The following RNF24 variants were observed in gnomAD, a reference collection of about 807,000 sequenced individuals.
The protein encoded by RNF24 is ring finger protein 24.
A neutral mutation model predicts 20.0 loss-of-function variants in RNF24; 14 were observed. That is an observed-to-expected ratio of 0.70 (90% CI 0.46 to 1.10). The LOEUF is 1.10. Ranked by LOEUF, RNF24 falls within the 50% of genes least tolerant of loss-of-function variation. RNF24 has a pLI of 0.00. For synonymous variants in RNF24, 45 were observed against 61.1 expected (o/e 0.74, Z 1.23); for missense variants, 124 against 177.6 (o/e 0.70, Z 1.71).
intron 4 of RNF24, among the ~76,000 whole-genome samples, chr20:3,938,632 G>A (rs1205321652): frequency 6.6e-6 from 1 of 152,168 alleles, no homozygotes; most frequent in Non-Finnish European, 1.5e-5. Flanking sequence ...AGTTCTAAGA[G>A]TTCTTTATAC....
intron 4 of RNF24, among the ~76,000 whole-genome samples, chr20:3,940,361 C>T (rs1046346760): frequency 2.0e-5 from 3 of 149,118 alleles, no homozygotes; most frequent in African/African-American, 7.5e-5. Context: ...AATCAGTGAA[C>T]TAGAAGACAG....
At chr20:3,976,579 T>C (rs190275865) in intron 1 of RNF24, among the ~76,000 whole-genome samples, 1 of 152,312 alleles carries the variant, frequency 6.6e-6, no homozygotes, top group African/African-American at 2.4e-5. Flanking sequence ...TCAACACAAA[T>C]GTTCATAGCA....
In RNF24 at chr20:3,934,867, A is replaced by G; in HGVS notation, c.308+127T>C. 1 of 703,980 alleles carries G rather than the reference A, an allele frequency of 1.4e-6. No individual in the cohort carries two copies. The highest frequency in any genetic ancestry group is 2.5e-6 in the Non-Finnish European group (1 of 394,300). The allele number at this position is 703,980 out of a possible 1,614,324, so 43.6% of individuals were successfully genotyped here. A position where few individuals can be genotyped will look rare whatever the true frequency, so the allele number is the denominator to read the frequency against. On this transcript the variant is annotated intron_variant, in intron 5 of 5. Coordinates refer to ENST00000358395, the MANE Select transcript of RNF24 (RefSeq NM_001134337.3). This position sits in a 1 kb window ranked among gnomAD's most constrained non-coding sequence, Gnocchi z 4.0. ...CACATCCCACCTGTAGGGTGCTGTC[A>G]GCTTTCTGCATTACAGACCAATCAT... is the stretch of plus-strand genomic sequence containing the variant.
chr20:3,978,416 AAC>A (rs775873846), intron 1 of RNF24, among the ~76,000 whole-genome samples: 4 of 152,214 alleles, frequency 2.6e-5, no homozygotes, highest in Admixed American at 6.5e-5. Context: ...CAATATTCCC[AAC>A]AGAGAAAAAT....
chr20:3,943,300 GAT>G lies in RNF24; in HGVS notation c.228+1875_228+1876del, dbSNP rs1491405262. 1.2e-3 allele frequency among the ~76,000 whole-genome samples: 174 copies of G among 149,442 alleles called. 2 individuals are homozygous for G. The highest frequency in any genetic ancestry group is 3.9e-3 in the African/African-American group (156 of 40,352). The stretch of plus-strand genomic sequence containing the variant: ...GCAATATAAATCAAAATCCCAGCAG[GAT>G]TTTTTTTTTTTTTTTGTGGATACAG... On this transcript the variant is annotated intron_variant, in intron 4 of 5. Coordinates refer to ENST00000358395, the MANE Select transcript of RNF24 (RefSeq NM_001134337.3).
At chr20:3,964,302 TTAA>T (rs1395225669) in intron 1 of RNF24, among the ~76,000 whole-genome samples, 2 of 152,110 alleles carry the variant, frequency 1.3e-5, no homozygotes, top group Non-Finnish European at 2.9e-5. Flanking sequence ...ATGCCAGTAA[TTAA>T]TAAACATGAA....
At position 3,931,601 on chromosome 20, in the gene RNF24, C is replaced by T. The variant is rs1443157121; in HGVS notation, c.*2462G>A. The stretch of plus-strand genomic sequence containing the variant: ...AGGAACTACTGCTAGTGATACTAGG[C>T]TTGCTGCAGGAGGATGTCACGCTGA... On this transcript the variant is annotated 3_prime_UTR_variant, in exon 6 of 6. Transcript: ENST00000358395. 1 of 152,146 alleles carries T rather than the reference C, an allele frequency of 6.6e-6. No homozygotes were observed. The allele number at this position is 152,146 out of a possible 1,614,324, so 9.4% of individuals were successfully genotyped here.
rs241603 is a variant in RNF24, at chr20:3,931,779, G to A, written c.*2284C>T. The A allele has an allele frequency of 0.51, 77,440 of 152,124 alleles. 20,310 individuals are homozygous for A. The highest frequency in any genetic ancestry group is 0.63 in the African/African-American group (25,980 of 41,476). The allele number at this position is 152,124 out of a possible 1,614,324, so 9.4% of individuals were successfully genotyped here. A position where few individuals can be genotyped will look rare whatever the true frequency, so the allele number is the denominator to read the frequency against. On this transcript the variant is annotated 3_prime_UTR_variant, in exon 6 of 6. Coordinates refer to ENST00000358395, the MANE Select transcript of RNF24 (RefSeq NM_001134337.3). ...CTCATCTGGGCAAAGCAGACCCAAG[G>A]TGGTGCTGAGTGCAGAGTGCAGAGC...
intron 1 of RNF24, among the ~76,000 whole-genome samples, chr20:3,964,492 G>C (rs1227594119): frequency 6.6e-6 from 1 of 151,916 alleles, no homozygotes; most frequent in Non-Finnish European, 1.5e-5. Context: ...ATATGTTATA[G>C]TATTAAAGGG....
At chr20:4,014,975 C>T (rs1982776597) in intron 1 of RNF24, among the ~76,000 whole-genome samples, 1 of 152,204 alleles carries the variant, frequency 6.6e-6, no homozygotes, top group African/African-American at 2.4e-5. Context: ...TGGACGGGGA[C>T]CAGGAAAACA....
chr20:4,011,889 T>G (rs1279829362), intron 1 of RNF24, among the ~76,000 whole-genome samples: 2 of 151,994 alleles, frequency 1.3e-5, no homozygotes, highest in African/African-American at 4.8e-5. Context: ...ACAGAGAATA[T>G]CCAAAAGTGA....
chr20:3,983,306 T>G (rs1979587581), intron 1 of RNF24, among the ~76,000 whole-genome samples: 1 of 152,226 alleles, frequency 6.6e-6, no homozygotes, highest in South Asian at 2.1e-4. Flanking sequence ...CATACAGGTT[T>G]TGGACTTTTC....
chr20:3,966,919 A>G (rs774370430), intron 1 of RNF24, among the ~76,000 whole-genome samples: 1 of 152,214 alleles, frequency 6.6e-6, no homozygotes, highest in Non-Finnish European at 1.5e-5. Context: ...GTGAGTCCTC[A>G]CTACCTGGCA....
intron 1 of RNF24, among the ~76,000 whole-genome samples, chr20:3,971,859 ACTGGCAGAATGAATTAAAAAACAT>A (rs1418551688): frequency 6.6e-6 from 1 of 152,178 alleles, no homozygotes; most frequent in African/African-American, 2.4e-5. Context: ...AAACACAGAG[ACTGGCAGAATGAATTAAAAAACAT>A]CACCCAATAA....
intron 1 of RNF24, among the ~76,000 whole-genome samples, chr20:4,011,928 A>G (rs2122173360): frequency 6.6e-6 from 1 of 152,388 alleles, no homozygotes; most frequent in South Asian, 2.1e-4. Flanking sequence ...TATAAACATT[A>G]AAAATGAAAT....
At chr20:3,940,450 A>G (rs573398712) in intron 4 of RNF24, among the ~76,000 whole-genome samples, 1 of 152,204 alleles carries the variant, frequency 6.6e-6, no homozygotes, top group South Asian at 2.1e-4. Context: ...CTTGTGGAAC[A>G]ACAACAAAGG....
At chr20:3,941,610 C>CA (rs933967961) in intron 4 of RNF24, among the ~76,000 whole-genome samples, 30 of 148,504 alleles carry the variant, frequency 2.0e-4, no homozygotes, top group Middle Eastern at 6.9e-3. Flanking sequence ...AAGCAGAAGA[C>CA]AAAAAAAAAT....
intron 1 of RNF24, among the ~76,000 whole-genome samples, chr20:3,984,299 G>A (rs1451491163): frequency 6.6e-6 from 1 of 152,000 alleles, no homozygotes; most frequent in East Asian, 1.9e-4. Flanking sequence ...CTTCTTCATT[G>A]AGTACCTTTA....
At chr20:3,998,499 C>G (rs886401611) in intron 1 of RNF24, among the ~76,000 whole-genome samples, 28 of 147,246 alleles carry the variant, frequency 1.9e-4, no homozygotes, top group African/African-American at 7.0e-4. Flanking sequence ...CACTTGAACC[C>G]GAGAGGTGGA....
Sources: gnomAD v4.1 joint callset for allele counts (sites outside exome capture counted in the v4.1 genomes callset) on GRCh38, gnomAD v4.1.1 for gene constraint, Gnocchi (gnomAD v3.1) non-coding constraint, MANE v1.5 for transcripts, NCBI Gene and HGNC (gene_info 2026-07-23, HGNC 2026-07-21) for gene names.